TCERG1L: variants seen among roughly 807,000 people sequenced by gnomAD.
TCERG1L encodes transcription elongation regulator 1 like.
A neutral mutation model predicts 56.3 loss-of-function variants in TCERG1L; 37 were observed. That is an observed-to-expected ratio of 0.66 (90% CI 0.51 to 0.87). TCERG1L has a LOEUF of 0.87. Ranked by LOEUF, TCERG1L falls within the 40% of genes least tolerant of loss-of-function variation. TCERG1L has a pLI of 0.00. For synonymous variants in TCERG1L, 324 were observed against 326.3 expected, an observed-to-expected ratio of 0.99 and a Z score of 0.08; for missense variants, 799 against 774.2, an observed-to-expected ratio of 1.03 and a Z score of -0.38.
rs533394073 is a variant in TCERG1L at position 131,113,068 on chromosome 10, C to A, written c.1395+3731G>T. 2.1e-5 allele frequency among the ~76,000 whole-genome samples: 3 copies of A among 142,706 alleles called. 1 individual carries two copies. Among genetic ancestry groups the A allele is most frequent in the Admixed American group, 2.1e-4 (3 of 14,574 alleles). 93.6% of individuals were successfully genotyped at this position (142,706 alleles called of 152,430 possible). On this transcript the variant is annotated intron_variant, in intron 9 of 11. Transcript: ENST00000368642. ...GGCAAGGCCTCCTTCTGCATCCCTGCGTTACCCTACCTCGCGGCACATCAA... is the reference window on the plus strand; with the variant it reads ...GGCAAGGCCTCCTTCTGCATCCCTGAGTTACCCTACCTCGCGGCACATCAA...
intron 3 of TCERG1L, among the ~76,000 whole-genome samples, chr10:131,264,790 G>C (rs1468709654): frequency 6.6e-6 from 1 of 152,208 alleles, no homozygotes; most frequent in Non-Finnish European, 1.5e-5. Flanking sequence ...TCCACGCTCT[G>C]ACTCAGTTCC....
At chr10:131,269,772 G>A (rs1414122184) in intron 3 of TCERG1L, among the ~76,000 whole-genome samples, 2 of 152,176 alleles carry the variant, frequency 1.3e-5, no homozygotes, top group Non-Finnish European at 2.9e-5. Flanking sequence ...GTGAGCACAC[G>A]CTGCTGGGAA....
At chr10:131,280,695 C>T (rs1232729056) in intron 3 of TCERG1L, among the ~76,000 whole-genome samples, 1 of 151,360 alleles carries the variant, frequency 6.6e-6, no homozygotes, top group Non-Finnish European at 1.5e-5. Flanking sequence ...TCTGTGCCTG[C>T]CTAAGATGTG....
At chr10:131,116,213 G>A (rs1845458052) in intron 9 of TCERG1L, among the ~76,000 whole-genome samples, 1 of 152,324 alleles carries the variant, frequency 6.6e-6, no homozygotes, top group African/African-American at 2.4e-5. Context: ...GTCAAAGTGA[G>A]ATTTGGAAAT....
chr10:131,153,315 C>T (rs143969558), intron 6 of TCERG1L, among the ~76,000 whole-genome samples: 12 of 152,280 alleles, frequency 7.9e-5, no homozygotes, highest in Admixed American at 2.0e-4. Context: ...CCACAGAAAA[C>T]CAAAGCACCT....
chr10:131,178,908 G>C (rs1170180498), intron 4 of TCERG1L, among the ~76,000 whole-genome samples: 1 of 152,242 alleles, frequency 6.6e-6, no homozygotes, highest in African/African-American at 2.4e-5. Flanking sequence ...AGGCAAAGCG[G>C]TTCCAGCAGA....
rs887339847 is a variant in TCERG1L, at chr10:131,103,853, T to C, written c.1485+412A>G. On this transcript the variant is annotated intron_variant, in intron 10 of 11. Transcript: ENST00000368642. The surrounding 1 kb of genome is among the most constrained non-coding windows in gnomAD (Gnocchi z 4.3). ...TAGGGGTTTCTTAACATTAGTGACT[T>C]CATTTTGATTCTGACAACTTTCATA... 5.3e-5 allele frequency among the ~76,000 whole-genome samples: 8 copies of C among 152,174 alleles called. No homozygotes were observed. Among genetic ancestry groups the C allele is most frequent in the Admixed American group, 3.9e-4 (6 of 15,278 alleles).
chr10:131,115,519 G>A (rs1309540683), intron 9 of TCERG1L, among the ~76,000 whole-genome samples: 2 of 152,238 alleles, frequency 1.3e-5, no homozygotes, highest in African/African-American at 4.8e-5. Flanking sequence ...CCACACGCGC[G>A]CGTCCACGTC....
chr10:131,116,333 A>G (rs147335094), intron 9 of TCERG1L, among the ~76,000 whole-genome samples: 1 of 152,202 alleles, frequency 6.6e-6, no homozygotes, highest in South Asian at 2.1e-4. Flanking sequence ...GAAGCTAAAC[A>G]GTGAGGTCGG....
chr10:131,112,383 C>G (rs533332081), intron 9 of TCERG1L, among the ~76,000 whole-genome samples: 1 of 142,674 alleles, frequency 7.0e-6, no homozygotes, highest in African/African-American at 2.5e-5. Context: ...CTTCCCAGGA[C>G]TTTCTCCCCC....
At chr10:131,309,073 G>A in intron 2 of TCERG1L, 80 bp downstream of exon 2, 1 of 1,480,950 alleles carries the variant, frequency 6.8e-7, no homozygotes, top group Non-Finnish European at 9.1e-7. Flanking sequence ...AAAATACATG[G>A]GTATTTTTGT....
At position 131,093,329 on chromosome 10, in the gene TCERG1L, A is replaced by G; in HGVS notation, c.1605-11T>C. ...TCCTTAAACGTGGTCCTGAAAAAGA[A>G]AGAGTTTCCTGAGACACCTTCCAGA... On this transcript the variant is annotated splice_polypyrimidine_tract_variant and intron_variant, in intron 11 of 11. Coordinates refer to ENST00000368642, the MANE Select transcript of TCERG1L (RefSeq NM_174937.4). 4 of 1,611,716 alleles carry G rather than the reference A, an allele frequency of 2.5e-6. No homozygotes were observed. Among genetic ancestry groups the G allele is most frequent in the Non-Finnish European group, 3.4e-6 (4 of 1,179,286 alleles).
At chr10:131,213,216 G>C (rs940216336) in intron 4 of TCERG1L, among the ~76,000 whole-genome samples, 4 of 152,214 alleles carry the variant, frequency 2.6e-5, no homozygotes, top group African/African-American at 9.6e-5. Context: ...TCAGCCCTGA[G>C]CTCCTGGCAC....
At chr10:131,293,296 CATT>C (rs1846653281) in intron 3 of TCERG1L, among the ~76,000 whole-genome samples, 2 of 152,178 alleles carry the variant, frequency 1.3e-5, no homozygotes, top group South Asian at 2.1e-4. Flanking sequence ...TTAACATCAT[CATT>C]GTTCCAGGCT....
At position 131,159,043 on chromosome 10, in the gene TCERG1L, G is replaced by A. The variant is rs139176917; in HGVS notation, c.1034+4079C>T. On this transcript the variant is annotated intron_variant, in intron 6 of 11. Coordinates refer to ENST00000368642, the MANE Select transcript of TCERG1L (RefSeq NM_174937.4). ...CACTTCCACTGCAGCCCCGAACCCC[G>A]AGCACAAGACCTTTCCCTGCTTTAC... Among the ~76,000 whole-genome samples the A allele has an allele frequency of 3.1e-3, 479 of 152,244 alleles. 1 individual carries two copies. The highest frequency in any genetic ancestry group is 0.027 in the Middle Eastern group (8 of 294).
chr10:131,207,449 C>T (rs1044175808), intron 4 of TCERG1L, among the ~76,000 whole-genome samples: 5 of 152,304 alleles, frequency 3.3e-5, no homozygotes, highest in East Asian at 1.9e-4. Flanking sequence ...GGTGACACAG[C>T]GGCTCCAACA....
chr10:131,245,709 C>T (rs926245558), intron 4 of TCERG1L, among the ~76,000 whole-genome samples: 42 of 152,206 alleles, frequency 2.8e-4, no homozygotes, highest in African/African-American at 8.0e-4. Flanking sequence ...CACTGCTCCT[C>T]GGTACAGGTT....
At chr10:131,288,127 C>T (rs1003121243) in intron 3 of TCERG1L, among the ~76,000 whole-genome samples, 3 of 152,174 alleles carry the variant, frequency 2.0e-5, no homozygotes, top group Non-Finnish European at 4.4e-5. Context: ...GAGCCTGAAC[C>T]GGCCACCACA....
intron 11 of TCERG1L, among the ~76,000 whole-genome samples, chr10:131,094,258 C>T (rs752978676): frequency 4.5e-4 from 69 of 152,340 alleles, no homozygotes; most frequent in Non-Finnish European, 8.8e-4. Context: ...GCTTGTCCAG[C>T]GACAGTCGGG....
Sources: allele counts gnomAD v4.1 joint callset (sites outside exome capture counted in the v4.1 genomes callset), GRCh38; gene constraint gnomAD v4.1.1; non-coding constraint Gnocchi (gnomAD v3.1); transcripts MANE v1.5; gene names NCBI Gene and HGNC (gene_info 2026-07-23, HGNC 2026-07-21).